RFWD3: variants seen among roughly 807,000 people sequenced by gnomAD.
The protein encoded by RFWD3 is E3 ubiquitin-protein ligase RFWD3.
Under a neutral mutation model 87.7 loss-of-function variants are expected in RFWD3, and 65 were observed. The observed-to-expected ratio is 0.74, with a 90% CI of 0.61 to 0.91. The LOEUF (loss-of-function observed/expected upper bound fraction) is 0.91, where lower values mean the gene tolerates loss of function less well. Among genes scored for constraint, RFWD3 ranks in the 40% least tolerant of loss-of-function variants. RFWD3 has a pLI of 0.00. For synonymous variants in RFWD3, 433 were observed against 352.8 expected, an observed-to-expected ratio of 1.23 and a Z score of -2.55; for missense variants, 1,078 against 938.5, an observed-to-expected ratio of 1.15 and a Z score of -1.94.
Position 74,626,345 on chromosome 16 carries a change from G to A in RFWD3, c.2179C>T (p.Leu727=). The change falls in exon 12 of 13, where the codon CTG becomes TTG. Residue 727 remains leucine (L), a splice_region_variant and synonymous_variant. Transcript: ENST00000361070. The part of the protein sequence containing the change: ...CTGDEAANSA[L]LWDAASGSLL... ...AAGTAAAAAAGTAACAGGCTCACCA[G>A]GGCAGAATTTGCTGCTTCATCCCCA... 1 of 1,613,592 alleles carries A rather than the reference G, an allele frequency of 6.2e-7. No individual in the cohort carries two copies. The highest frequency in any genetic ancestry group is 1.1e-5 in the South Asian group (1 of 91,064).
intron 2 of RFWD3, among the ~76,000 whole-genome samples, chr16:74,653,903 C>A (rs955761661): frequency 2.6e-5 from 4 of 151,992 alleles, no homozygotes; most frequent in African/African-American, 7.2e-5. Context: ...GATTTTTTGA[C>A]CTCTTAAAAA....
intron 12 of RFWD3, among the ~76,000 whole-genome samples, chr16:74,624,843 T>C (rs986051843): frequency 4.6e-5 from 7 of 151,956 alleles, no homozygotes; most frequent in Non-Finnish European, 2.9e-5. Context: ...CAAGAAAAAA[T>C]TAGCCAGGTG....
chr16:74,665,375 G>A (rs1961799367), intron 1 of RFWD3: 1 of 152,116 alleles, frequency 6.6e-6, no homozygotes, highest in South Asian at 2.1e-4. Context: ...CTTGAGGTCG[G>A]AGTCCCAGAA....
intron 7 of RFWD3, among the ~76,000 whole-genome samples, chr16:74,637,122 T>A (rs1411453069): frequency 1.2e-4 from 12 of 101,790 alleles, no homozygotes; most frequent in Admixed American, 3.4e-4. Flanking sequence ...TAAAGTCCTT[T>A]AAAAAAAAAA....
At chr16:74,657,789 A>G (rs1371465239) in intron 2 of RFWD3, among the ~76,000 whole-genome samples, 1 of 152,068 alleles carries the variant, frequency 6.6e-6, no homozygotes, top group Non-Finnish European at 1.5e-5. Context: ...TTCTTTTTAG[A>G]CAGTGCTAAG....
Position 74,636,382 on chromosome 16 carries a change from T to C in RFWD3, c.1390A>G (p.Ile464Val), listed in dbSNP as rs1030253516. ...AYCDALSCLVISQPSPQASFL... is the reference protein window; with the variant it reads ...AYCDALSCLVVSQPSPQASFL... Reference sequence around the variant, plus strand: ...GAGGCCTGAGGAGAAGGCTGTGATATCACCAGGCAGCTCAGAGCATCACAG... The same window carrying C: ...GAGGCCTGAGGAGAAGGCTGTGATACCACCAGGCAGCTCAGAGCATCACAG... The change falls in exon 8 of 13, where the codon ATA becomes GTA. Residue 464 changes from isoleucine (I) to valine (V), a missense_variant. Physicochemically the swap from Ile to Val is conservative, Grantham distance 29. Transcript: ENST00000361070. 5.6e-6 allele frequency: 9 copies of C among 1,614,062 alleles called. No homozygotes were observed. The Admixed American group carries it at 1.0e-4, about 18-fold the overall frequency.
chr16:74,628,707 C>T (rs1959008107), intron 10 of RFWD3, 41 bp from the exon 11 acceptor site: 1 of 1,591,530 alleles, frequency 6.3e-7, no homozygotes, highest in South Asian at 1.1e-5. Context: ...CACTCCAAAA[C>T]TCGGACGGCT....
At chr16:74,663,040 G>A (rs1424587015) in intron 1 of RFWD3, among the ~76,000 whole-genome samples, 2 of 152,030 alleles carry the variant, frequency 1.3e-5, no homozygotes, top group East Asian at 1.9e-4. Flanking sequence ...GAGTAGCTGG[G>A]ATTACAGGTG....
intron 1 of RFWD3, among the ~76,000 whole-genome samples, chr16:74,663,953 A>C (rs1318717393): frequency 6.6e-6 from 1 of 152,222 alleles, no homozygotes; most frequent in Non-Finnish European, 1.5e-5. Flanking sequence ...CTACTCAAAC[A>C]CCAGCCAGCT....
Position 74,626,697 on chromosome 16 carries a change from T to C in RFWD3, c.1970-143A>G, listed in dbSNP as rs916363317. On this transcript the variant is annotated intron_variant, in intron 11 of 12. Coordinates refer to ENST00000361070, the MANE Select transcript of RFWD3 (RefSeq NM_018124.4). ...CCATCAAGAACAGTTACAAAACAAA[T>C]GAAAGAACAATATCACAGCATCAAT... The C allele has an allele frequency of 1.4e-5, 9 of 636,738 alleles. 1 individual carries two copies. Among genetic ancestry groups the C allele is most frequent in the Middle Eastern group, 4.3e-4 (1 of 2,344 alleles). 39.4% of individuals were successfully genotyped at this position (636,738 alleles called of 1,614,324 possible). A position where few individuals can be genotyped will look rare whatever the true frequency, so the allele number is the denominator to read the frequency against.
At chr16:74,641,131 T>C (rs1959605585) in intron 6 of RFWD3, among the ~76,000 whole-genome samples, 1 of 152,102 alleles carries the variant, frequency 6.6e-6, no homozygotes. Flanking sequence ...GGAGACAACC[T>C]AAATGTCTAC....
rs1191645133 is a variant in RFWD3, at chr16:74,637,911, C to T, written c.1139G>A (p.Arg380Gln). Residue 380 changes from arginine to glutamine, a missense_variant, in exon 7 of 13, where the codon CGA (arginine) becomes CAA (glutamine). Transcript: ENST00000361070. Reference protein sequence around the residue: ...KQAELESAQCRLQLQVLTDKC... With the variant: ...KQAELESAQCQLQLQVLTDKC... ...ATCAGTGAGGACCTGCAGTTGGAGT[C>T]GGCACTGTGCTGATTCTAACTCGGC... 1 of 1,612,664 alleles carries T rather than the reference C, an allele frequency of 6.2e-7. No individual in the cohort carries two copies. The highest frequency in any genetic ancestry group is 8.5e-7 in the Non-Finnish European group (1 of 1,179,756).
chr16:74,660,299 TTTAA>T (rs1961321656), intron 2 of RFWD3, among the ~76,000 whole-genome samples: 1 of 150,476 alleles, frequency 6.6e-6, no homozygotes, highest in Non-Finnish European at 1.5e-5. Flanking sequence ...AACAGACAGG[TTTAA>T]TTAGTTAGGT....
chr16:74,623,334 C>T lies in RFWD3; in HGVS notation c.*594G>A, dbSNP rs1379473560. 1 of 152,742 alleles carries T rather than the reference C, an allele frequency of 6.5e-6. No homozygotes were observed. The highest frequency in any genetic ancestry group is 1.5e-5 in the Non-Finnish European group (1 of 68,106). The allele number at this position is 152,742 out of a possible 1,614,324, so 9.5% of individuals were successfully genotyped here. A position where few individuals can be genotyped will look rare whatever the true frequency, so the allele number is the denominator to read the frequency against. ...ACAAGTGTTATTGCCACAAAGCACA[C>T]CCAGGTGTGCTATCACACACTTGTG... On this transcript the variant is annotated 3_prime_UTR_variant, in exon 13 of 13. Transcript: ENST00000361070.
chr16:74,650,232 G>A (rs536633603), intron 3 of RFWD3, among the ~76,000 whole-genome samples: 3 of 152,008 alleles, frequency 2.0e-5, no homozygotes, highest in Non-Finnish European at 4.4e-5. Flanking sequence ...TTTGTAGACT[G>A]TTCTACATTT....
chr16:74,628,591 T>A lies in RFWD3; in HGVS notation c.1830A>T (p.Gly610=). Residue 610 remains glycine, a synonymous_variant, in exon 11 of 13, where the codon GGA becomes GGT. Transcript: ENST00000361070. ...AAFPYGGVLA[G]TLEDASFWEQ... is the part of the protein sequence containing the mutation. ...CCCAGAATGAAGCATCCTCCAAGGT[T>A]CCAGCCAGCACCCCACCATATGGAA... 6.2e-7 allele frequency: 1 copy of A among 1,614,168 alleles called. No individual in the cohort carries two copies. Among genetic ancestry groups the A allele is most frequent in the Non-Finnish European group, 8.5e-7 (1 of 1,180,040 alleles).
chr16:74,631,593 TCA>T (rs1468745048), intron 9 of RFWD3, among the ~76,000 whole-genome samples: 1 of 152,150 alleles, frequency 6.6e-6, no homozygotes, highest in East Asian at 1.9e-4. Context: ...TTCACAGTAC[TCA>T]CAGAGCATGT....
chr16:74,643,669 GTTTTTTTTT>G (rs35397997), intron 6 of RFWD3, among the ~76,000 whole-genome samples: 1 of 105,054 alleles, frequency 9.5e-6, no homozygotes, highest in Non-Finnish European at 1.9e-5. Flanking sequence ...ACTAGCAACT[GTTTTTTTTT>G]TTTTTTTTTT....
intron 8 of RFWD3, among the ~76,000 whole-genome samples, chr16:74,633,526 T>C (rs963461139): frequency 1.3e-5 from 2 of 152,074 alleles, no homozygotes; most frequent in Admixed American, 6.6e-5. Context: ...CACTATATAA[T>C]TCCATTTATG....
Sources: allele counts gnomAD v4.1 joint callset (sites outside exome capture counted in the v4.1 genomes callset), GRCh38; gene constraint gnomAD v4.1.1; transcripts MANE v1.5; gene names NCBI Gene and HGNC (gene_info 2026-07-23, HGNC 2026-07-21).